The following ABI3BP variants were observed in gnomAD, a reference collection of about 807,000 sequenced individuals.
ABI3BP encodes target of Nesh-SH3.
In ABI3BP, 216 loss-of-function variants were observed where a neutral mutation model predicts 268.6. That is an observed-to-expected ratio of 0.80 (90% CI 0.72 to 0.90). ABI3BP has a LOEUF of 0.90. Among genes scored for constraint, ABI3BP ranks in the 40% least tolerant of loss-of-function variants. The pLI is 0.00. For synonymous variants in ABI3BP, 730 were observed against 730.0 expected (o/e 1.00, Z 0.00); for missense variants, 2,090 against 2,182.4 (o/e 0.96, Z 0.84).
chr3:100,842,666 T>A (rs570405148), intron 20 of ABI3BP, among the ~76,000 whole-genome samples: 1 of 152,244 alleles, frequency 6.6e-6, no homozygotes, highest in East Asian at 1.9e-4. Context: ...CTAAATTAAA[T>A]AACAGTATCT....
In ABI3BP at chr3:100,811,907, T is replaced by C. The variant is rs939604811; in HGVS notation, c.3422-108A>G. 1.5e-5 allele frequency: 12 copies of C among 797,094 alleles called. No individual in the cohort carries two copies. The African/African-American group carries it at 2.1e-4, about 14-fold the overall frequency. 49.4% of individuals were successfully genotyped at this position (797,094 alleles called of 1,614,324 possible). A position where few individuals can be genotyped will look rare whatever the true frequency, so the allele number is the denominator to read the frequency against. ...AGAATTGAGCTATCTTAAGCAGATA[T>C]ATTCTTGAGAATAATTAACATTTAG... On this transcript the variant is annotated intron_variant, in intron 46 of 67. Transcript: ENST00000471714.
chr3:100,829,546 T>C, intron 33 of ABI3BP, 35 bp downstream of exon 33: 1 of 1,509,914 alleles, frequency 6.6e-7, no homozygotes, highest in Non-Finnish European at 8.9e-7. Flanking sequence ...TGGGGTGGGC[T>C]GTTAGGATTC....
chr3:100,850,524 A>G (rs938658426), intron 16 of ABI3BP, 136 bp downstream of exon 16: 8 of 652,146 alleles, frequency 1.2e-5, no homozygotes, highest in Non-Finnish European at 1.8e-5. Flanking sequence ...TAAAATATAT[A>G]GATGTATATA....
chr3:100,829,515 T>G (rs2152775432), intron 33 of ABI3BP, 66 bp downstream of exon 33: 2 of 1,416,066 alleles, frequency 1.4e-6, no homozygotes, highest in Non-Finnish European at 1.9e-6. Flanking sequence ...GCCCAGCTAC[T>G]TCATTCTCTT....
intron 1 of ABI3BP, among the ~76,000 whole-genome samples, chr3:100,972,759 T>C (rs903156220): frequency 6.6e-6 from 1 of 152,212 alleles, no homozygotes; most frequent in Admixed American, 6.5e-5. Flanking sequence ...TGATTTATCC[T>C]ACGGAACAGA....
At chr3:100,946,664 T>A (rs2153735857) in intron 1 of ABI3BP, among the ~76,000 whole-genome samples, 1 of 152,020 alleles carries the variant, frequency 6.6e-6, no homozygotes, top group East Asian at 1.9e-4. Context: ...GGTGCATGCC[T>A]GTAATCTCAG....
intron 30 of ABI3BP, among the ~76,000 whole-genome samples, chr3:100,832,587 C>A (rs964698800): frequency 6.6e-6 from 1 of 152,082 alleles, no homozygotes; most frequent in African/African-American, 2.4e-5. Context: ...TAGAAACTAT[C>A]ATTATTTTCT....
chr3:100,762,565 T>C (rs1165064939), intron 63 of ABI3BP, among the ~76,000 whole-genome samples: 1 of 152,162 alleles, frequency 6.6e-6, no homozygotes, highest in African/African-American at 2.4e-5. Flanking sequence ...ATTTAACAGG[T>C]GTTACTTTTG....
chr3:100,915,881 A>G (rs965481597), intron 2 of ABI3BP, among the ~76,000 whole-genome samples: 5 of 152,166 alleles, frequency 3.3e-5, no homozygotes, highest in African/African-American at 4.8e-5. Context: ...CTACTGTCCC[A>G]AACTAACCCT....
chr3:100,751,470 A>C, intron 67 of ABI3BP, 82 bp downstream of exon 67: 1 of 1,374,108 alleles, frequency 7.3e-7, no homozygotes, highest in African/African-American at 1.5e-5. Flanking sequence ...ATTCTTTTTA[A>C]ATTGCTTGCT....
intron 45 of ABI3BP, 29 bp from the exon 46 acceptor site, chr3:100,812,552 G>C: frequency 7.7e-7 from 1 of 1,290,416 alleles, no homozygotes; most frequent in South Asian, 2.5e-5. Flanking sequence ...TGGTACAATT[G>C]ATAAAGGATA....
At chr3:100,965,444 A>G (rs2080903126) in intron 1 of ABI3BP, among the ~76,000 whole-genome samples, 1 of 152,062 alleles carries the variant, frequency 6.6e-6, no homozygotes, top group South Asian at 2.1e-4. Context: ...ACCAAAGTAC[A>G]TCCTATTAAA....
chr3:100,880,089 C>A (rs1379741727), intron 6 of ABI3BP, among the ~76,000 whole-genome samples: 2 of 152,176 alleles, frequency 1.3e-5, no homozygotes, highest in Non-Finnish European at 1.5e-5. Flanking sequence ...TTTAAAAAAA[C>A]ATTTCCTTGC....
At chr3:100,884,457 C>T (rs114802358) in intron 6 of ABI3BP, among the ~76,000 whole-genome samples, 70 of 152,190 alleles carry the variant, frequency 4.6e-4, no homozygotes, top group Non-Finnish European at 7.9e-4. Flanking sequence ...ACAACATTTG[C>T]CTTAGGCAGA....
Position 100,749,538 on chromosome 3 carries a change from GA to G in ABI3BP, c.*956del, listed in dbSNP as rs781227660. 8.2e-5 allele frequency: 32 copies of G among 392,060 alleles called. No individual in the cohort carries two copies. Among genetic ancestry groups the G allele is most frequent in the Non-Finnish European group, 9.4e-5 (21 of 223,264 alleles). 24.3% of individuals were successfully genotyped at this position (392,060 alleles called of 1,614,324 possible). ...TAGAAATAAATGAGTTAGTTAGTTA[GA>G]TTTTTATTACAGATTGAATTAAACA... On this transcript the variant is annotated 3_prime_UTR_variant, in exon 68 of 68. Transcript: ENST00000471714.
chr3:100,918,696 G>A (rs1253522853), intron 2 of ABI3BP, among the ~76,000 whole-genome samples: 5 of 152,046 alleles, frequency 3.3e-5, no homozygotes, highest in Non-Finnish European at 1.5e-5. Context: ...AGGATGAAAT[G>A]AGTGCCTTAC....
chr3:100,911,775 A>T, intron 2 of ABI3BP: 1 of 1,110,828 alleles, frequency 9.0e-7, no homozygotes, highest in South Asian at 1.2e-5. Context: ...TTCTGTTATT[A>T]TACTTGGTGT....
At chr3:100,847,855 C>G (rs1293046542) in intron 18 of ABI3BP, among the ~76,000 whole-genome samples, 182 bp from the exon 19 acceptor site, 2 of 152,142 alleles carry the variant, frequency 1.3e-5, no homozygotes, top group Non-Finnish European at 2.9e-5. Flanking sequence ...TACAAAATTA[C>G]ATTTATCTTA....
At chr3:100,873,397 GTCTTTTTTCCCCCAGTAAGTC>G (rs1386171875) in intron 9 of ABI3BP, among the ~76,000 whole-genome samples, 68 of 152,242 alleles carry the variant, frequency 4.5e-4, no homozygotes, top group African/African-American at 1.6e-3. Context: ...TAGATTTGAT[GTCTTTTTTCCCCCAGTAAGTC>G]TCCAGGGCAG....
Sources: gnomAD v4.1 joint callset for allele counts (sites outside exome capture counted in the v4.1 genomes callset) on GRCh38, gnomAD v4.1.1 for gene constraint, MANE v1.5 for transcripts, NCBI Gene and HGNC (gene_info 2026-07-23, HGNC 2026-07-21) for gene names.